NOL8: variants seen among roughly 807,000 people sequenced by gnomAD.
The protein encoded by NOL8 is nucleolar protein Nop132.
A neutral mutation model predicts 116.1 loss-of-function variants in NOL8; 93 were observed. That is an observed-to-expected ratio of 0.80 (90% CI 0.68 to 0.95). NOL8 has a LOEUF of 0.95. NOL8 is among the 40% of genes least tolerant of loss of function. The pLI, the probability that NOL8 is intolerant of heterozygous loss-of-function variation, is 0.00. For synonymous variants in NOL8, 419 were observed against 469.0 expected (o/e 0.89, Z 1.38); for missense variants, 1,291 against 1,382.8 (o/e 0.93, Z 1.05).
At chr9:92,318,950 C>T (rs780433078) in intron 5 of NOL8, 17 of 513,774 alleles carry the variant, frequency 3.3e-5, no homozygotes, top group Non-Finnish European at 4.7e-5. Flanking sequence ...AACAGGCAAA[C>T]TTGGGACCTG....
intron 7 of NOL8, among the ~76,000 whole-genome samples, chr9:92,313,847 G>A (rs1241992868): frequency 6.6e-6 from 1 of 152,192 alleles, no homozygotes; most frequent in East Asian, 1.9e-4. Context: ...AACTGTGACT[G>A]TCAGCATGCC....
rs1003548558 is a variant in NOL8 at position 92,314,418 on chromosome 9, G to C, written c.2207C>G (p.Thr736Ser). ...ATTACTAATAGAAAGTGAGAAATCA[G>C]TTTTGATTTCCCGAGTGTCCTTGGA... The part of the protein sequence containing the change: ...VSSKDTREIK[T>S]DFSLSISNSS... Residue 736 changes from threonine to serine, a missense_variant, in exon 7 of 17, where the codon ACT becomes AGT. By Grantham distance (58) the Thr-to-Ser change is moderately conservative. Coordinates refer to ENST00000442668, the MANE Select transcript of NOL8 (RefSeq NM_017948.6). The C allele has an allele frequency of 1.7e-5, 28 of 1,613,418 alleles. No individual in the cohort carries two copies. The highest frequency in any genetic ancestry group is 2.2e-5 in the Non-Finnish European group (26 of 1,179,522).
rs780826910 is a variant in NOL8, at chr9:92,323,995, A to T, written c.139+28T>A. The T allele has an allele frequency of 3.8e-5, 61 of 1,612,060 alleles. 2 individuals carry two copies. Among genetic ancestry groups the T allele is most frequent in the South Asian group, 3.3e-4 (30 of 90,912 alleles). On this transcript the variant is annotated intron_variant, in intron 2 of 16. Transcript: ENST00000442668. ...CTTAACCTGAGTTATGTCTGCCTAT[A>T]ACTGCCCAGTGAAGGACCATAAATT...
intron 3 of NOL8, 184 bp downstream of exon 3, chr9:92,323,257 G>T: frequency 2.0e-6 from 3 of 1,495,462 alleles, no homozygotes; most frequent in Non-Finnish European, 8.9e-7. Flanking sequence ...TACCATGTCT[G>T]CTGATGCCAA....
intron 2 of NOL8, 126 bp from the exon 3 acceptor site, chr9:92,323,629 A>G (rs544417476): frequency 2.6e-6 from 2 of 766,946 alleles, no homozygotes; most frequent in South Asian, 2.1e-5. Flanking sequence ...TTTCAAAGAT[A>G]AACCTTGTTT....
chr9:92,311,241 T>C lies in NOL8; in HGVS notation c.2377A>G (p.Lys793Glu), dbSNP rs553801242. ...LANLDGHPED[K>E]PTHIIFGSDS... is the part of the protein sequence containing the mutation. ...GAACCGAAGATGATGTGCGTTGGCT[T>C]ATCCTCTGGATGACCATCCTAGGGA... is the stretch of plus-strand genomic sequence containing the variant. Residue 793 changes from lysine to glutamate, a missense_variant, in exon 8 of 17, where the codon AAG (lysine) becomes GAG (glutamate). Coordinates refer to ENST00000442668, the MANE Select transcript of NOL8 (RefSeq NM_017948.6). 13 of 1,613,556 alleles carry C rather than the reference T, an allele frequency of 8.1e-6. No homozygotes were observed. In the East Asian group the frequency reaches 2.7e-4, roughly 33 times the overall value.
intron 13 of NOL8, 73 bp from the exon 14 acceptor site, chr9:92,300,089 G>A: frequency 6.5e-7 from 1 of 1,531,376 alleles, no homozygotes; most frequent in South Asian, 1.3e-5. Context: ...ACATTCATTT[G>A]ATTACTTTTA....
At chr9:92,311,614 GATCATTAGA>G (rs1178915243) in intron 7 of NOL8, among the ~76,000 whole-genome samples, 4 of 152,120 alleles carry the variant, frequency 2.6e-5, no homozygotes, top group African/African-American at 9.7e-5. Context: ...CAACATCACT[GATCATTAGA>G]GGAATGCAAA....
intron 13 of NOL8, chr9:92,300,628 T>C (rs1837651334): frequency 1.0e-6 from 1 of 1,004,690 alleles, no homozygotes; most frequent in Non-Finnish European, 1.2e-6. Context: ...ATCGTTACTA[T>C]TTACATCATG....
intron 11 of NOL8, among the ~76,000 whole-genome samples, chr9:92,306,312 A>G (rs921286704): frequency 1.3e-5 from 2 of 152,120 alleles, no homozygotes; most frequent in African/African-American, 4.8e-5. Context: ...ATTTTAAACT[A>G]CCTACTTTTG....
chr9:92,310,231 C>A lies in NOL8; in HGVS notation c.2626G>T (p.Asp876Tyr), dbSNP rs768058852. Residue 876 changes from aspartate to tyrosine, a missense_variant, in exon 10 of 17, where the codon GAT (aspartate) becomes TAT (tyrosine). By Grantham distance (160) the Asp-to-Tyr change is radical. Coordinates refer to ENST00000442668, the MANE Select transcript of NOL8 (RefSeq NM_017948.6). ...CGAGAGTCCATGCGGAATCTGTCAT[C>A]GGTGCCAAAGTGCGACTGTAAATCC... ...LMDLQSHFGT[D>Y]DRFRMDSRFL... The A allele has an allele frequency of 1.2e-6, 2 of 1,609,708 alleles. No individual in the cohort carries two copies. The highest frequency in any genetic ancestry group is 1.7e-6 in the Non-Finnish European group (2 of 1,178,116).
intron 14 of NOL8, 103 bp downstream of exon 14, chr9:92,299,787 C>A: frequency 8.4e-7 from 1 of 1,191,994 alleles, no homozygotes; most frequent in Non-Finnish European, 1.2e-6. Flanking sequence ...GAAGCTAAGA[C>A]AATTTAGTTG....
intron 11 of NOL8, among the ~76,000 whole-genome samples, chr9:92,306,602 G>A (rs1015784438): frequency 6.6e-6 from 1 of 152,014 alleles, no homozygotes; most frequent in Admixed American, 6.6e-5. Flanking sequence ...TAACAGTTAC[G>A]TTTATATAAA....
intron 6 of NOL8, 53 bp from the exon 7 acceptor site, chr9:92,316,191 C>A (rs1839393869): frequency 6.5e-7 from 1 of 1,531,518 alleles, no homozygotes; most frequent in Non-Finnish European, 8.8e-7. Context: ...GAAAACTCAT[C>A]AATCTTTGAT....
chr9:92,323,464 A>C lies in NOL8; in HGVS notation c.179T>G (p.Val60Gly). ...ACATTTTTTCAGGTCCGCTTCTGCT[A>C]CACTGATGTTGATATATGCAAAAAC... ...QKVFAYINIS[V>G]AEADLKKCMS... is the part of the protein sequence containing the mutation. Residue 60 changes from valine (V) to glycine (G), a missense_variant, in exon 3 of 17, where the codon GTA becomes GGA. By Grantham distance (109) the Val-to-Gly change is moderately radical. Transcript: ENST00000442668. 1.2e-6 allele frequency: 2 copies of C among 1,607,282 alleles called. No homozygotes were observed. The highest frequency in any genetic ancestry group is 1.7e-6 in the Non-Finnish European group (2 of 1,177,014).
intron 13 of NOL8, chr9:92,300,814 C>CAAAAA: frequency 4.5e-6 from 4 of 881,352 alleles, no homozygotes; most frequent in Non-Finnish European, 4.1e-6. Flanking sequence ...ACTCTGTCTC[C>CAAAAA]AAAAAAAAAA....
chr9:92,304,935 A>G (rs1032922467), intron 12 of NOL8, among the ~76,000 whole-genome samples: 7 of 152,116 alleles, frequency 4.6e-5, no homozygotes, highest in African/African-American at 1.7e-4. Flanking sequence ...TTGGAAAATG[A>G]AGGATTTAAA....
Position 92,298,825 on chromosome 9 carries a change from A to T in NOL8, c.3373+59T>A, listed in dbSNP as rs565161647. On this transcript the variant is annotated intron_variant, in intron 15 of 16. Transcript: ENST00000442668. The stretch of plus-strand genomic sequence containing the variant: ...CGGTCAAAATTCCTGGATGTGAATT[A>T]CTGTAGCTGTATTATTACCTGTTCT... 101 of 969,208 alleles carry T rather than the reference A, an allele frequency of 1.0e-4. No homozygotes were observed. The South Asian group carries it at 1.6e-3, about 15-fold the overall frequency. 60.0% of individuals were successfully genotyped at this position (969,208 alleles called of 1,614,324 possible). A position where few individuals can be genotyped will look rare whatever the true frequency, so the allele number is the denominator to read the frequency against.
In NOL8 at chr9:92,315,922, T is replaced by A; in HGVS notation, c.703A>T (p.Met235Leu). Residue 235 changes from methionine to leucine, a missense_variant, in exon 7 of 17, where the codon ATG (methionine) becomes TTG (leucine). Met to Leu is a conservative substitution (Grantham distance 15). Transcript: ENST00000442668. ...ATTACCCTCCTGGGCCTTGTACTCATGGCCAGAGACCCAGTGGAACTCTCA... is the reference window on the plus strand; with the variant it reads ...ATTACCCTCCTGGGCCTTGTACTCAAGGCCAGAGACCCAGTGGAACTCTCA... Reference protein sequence around the residue: ...KDESSTGSLAMSTRPRRVIER... With the variant: ...KDESSTGSLALSTRPRRVIER... The A allele has an allele frequency of 1.2e-6, 2 of 1,613,866 alleles. No individual in the cohort carries two copies. The highest frequency in any genetic ancestry group is 1.7e-6 in the Non-Finnish European group (2 of 1,179,842).
Sources: allele counts gnomAD v4.1 joint callset (sites outside exome capture counted in the v4.1 genomes callset), GRCh38; gene constraint gnomAD v4.1.1; transcripts MANE v1.5; gene names NCBI Gene and HGNC (gene_info 2026-07-23, HGNC 2026-07-21).